SVOP: variants seen among roughly 807,000 people sequenced by gnomAD.
The protein encoded by SVOP is synaptic vesicle 2-related protein.
A neutral mutation model predicts 69.1 loss-of-function variants in SVOP; 17 were observed. That is an observed-to-expected ratio of 0.25 (90% CI 0.17 to 0.37). The LOEUF is 0.37. Among genes scored for constraint, SVOP ranks in the 10% least tolerant of loss-of-function variants. SVOP has a pLI of 1.00. For missense variants in SVOP, 435 were observed against 597.5 expected (o/e 0.73, Z 2.84); for synonymous variants, 238 against 238.6 (o/e 1.00, Z 0.02).
intron 6 of SVOP, among the ~76,000 whole-genome samples, chr12:108,946,803 C>A (rs997105354): frequency 2.0e-5 from 3 of 151,724 alleles, no homozygotes; most frequent in African/African-American, 7.3e-5. Flanking sequence ...ACTGAAACCT[C>A]CACCTCCCGG....
intron 1 of SVOP, among the ~76,000 whole-genome samples, chr12:108,997,923 C>T (rs1165982522): frequency 4.7e-5 from 7 of 149,178 alleles, no homozygotes; most frequent in Non-Finnish European, 8.9e-5. Flanking sequence ...TCCAAAGGAA[C>T]GCAGTTCCTC....
At chr12:108,989,224 C>T (rs2137443232) in intron 1 of SVOP, among the ~76,000 whole-genome samples, 1 of 152,330 alleles carries the variant, frequency 6.6e-6, no homozygotes, top group Non-Finnish European at 1.5e-5. Flanking sequence ...CACGCACCAC[C>T]ACCACACCTA....
Position 108,941,767 on chromosome 12 carries a change from T to G in SVOP, c.643-858A>C, listed in dbSNP as rs183677722. On this transcript the variant is annotated intron_variant, in intron 7 of 15. Transcript: ENST00000610966. Reference sequence around the variant, plus strand: ...ACCTCTGCCTTGCAGGTTCAAGCGATTCTCCTGCCTCAGCCTCCCGAGTAG... The same window carrying G: ...ACCTCTGCCTTGCAGGTTCAAGCGAGTCTCCTGCCTCAGCCTCCCGAGTAG... 9.3e-4 allele frequency among the ~76,000 whole-genome samples: 141 copies of G among 152,190 alleles called. 3 individuals are homozygous for G. Among genetic ancestry groups the G allele is most frequent in the African/African-American group, 3.3e-3 (139 of 41,504 alleles).
chr12:108,963,162 T>G (rs1351812387), intron 5 of SVOP, among the ~76,000 whole-genome samples: 1 of 152,182 alleles, frequency 6.6e-6, no homozygotes, highest in Non-Finnish European at 1.5e-5. Flanking sequence ...CAGGCCTCTT[T>G]CTGCAATACC....
intron 1 of SVOP, among the ~76,000 whole-genome samples, chr12:108,996,708 A>G (rs1005306282): frequency 3.3e-5 from 5 of 152,122 alleles, no homozygotes; most frequent in Non-Finnish European, 7.4e-5. Context: ...AGGCTGGAAG[A>G]TCGCTTGAGC....
chr12:108,974,159 T>C (rs1318004580), intron 4 of SVOP, among the ~76,000 whole-genome samples: 1 of 152,200 alleles, frequency 6.6e-6, no homozygotes, highest in Admixed American at 6.5e-5. Context: ...GCTTTTCATA[T>C]ATATAGTCAT....
intron 15 of SVOP, 83 bp from the exon 16 acceptor site, chr12:108,912,824 C>A (rs1186001424): frequency 8.1e-6 from 11 of 1,357,320 alleles, no homozygotes; most frequent in Non-Finnish European, 1.1e-5. Context: ...TTAGTAACAT[C>A]AGGCCCTCTC....
chr12:108,952,230 CTT>C lies in SVOP; in HGVS notation c.579-7066_579-7065del, dbSNP rs36191772. Among the ~76,000 whole-genome samples, 374 of 98,338 alleles carry C rather than the reference CTT, an allele frequency of 3.8e-3. 1 individual carries two copies. The highest frequency in any genetic ancestry group is 0.012 in the African/African-American group (344 of 29,448). 64.5% of individuals were successfully genotyped at this position (98,338 alleles called of 152,430 possible). ...TACATTCCACTTTTTTTTCTTTTCTCTTTTTTTTTTTTTTTTTTTTTTGAGTC... is the reference window on the plus strand; with the variant it reads ...TACATTCCACTTTTTTTTCTTTTCTCTTTTTTTTTTTTTTTTTTTTGAGTC... On this transcript the variant is annotated intron_variant, in intron 6 of 15. Coordinates refer to ENST00000610966, the MANE Select transcript of SVOP (RefSeq NM_018711.5).
intron 1 of SVOP, among the ~76,000 whole-genome samples, chr12:109,020,513 A>T (rs1379624973): frequency 1.3e-5 from 2 of 152,182 alleles, no homozygotes; most frequent in Non-Finnish European, 2.9e-5. Flanking sequence ...ACATTTCAAA[A>T]CAGCAGCTAA....
At chr12:108,930,434 GC>G (rs1461465517) in intron 11 of SVOP, among the ~76,000 whole-genome samples, 13 of 94,114 alleles carry the variant, frequency 1.4e-4, no homozygotes, top group South Asian at 4.2e-4. Flanking sequence ...ACAGTTGATT[GC>G]TTTTTTTTTT....
chr12:109,015,176 G>A (rs1236765264), intron 1 of SVOP, among the ~76,000 whole-genome samples: 1 of 152,136 alleles, frequency 6.6e-6, no homozygotes, highest in Admixed American at 6.5e-5. Context: ...GCTTTCTAGC[G>A]GGTGGATCCT....
chr12:109,015,628 A>G lies in SVOP; in HGVS notation c.35+5206T>C, dbSNP rs573314581. ...GGTGACCAGCCTGGCCAACATGACAAAACCCCATCTCTATAAAAAATTAGC... is the reference window on the plus strand; with the variant it reads ...GGTGACCAGCCTGGCCAACATGACAGAACCCCATCTCTATAAAAAATTAGC... On this transcript the variant is annotated intron_variant, in intron 1 of 15. Transcript: ENST00000610966. Among the ~76,000 whole-genome samples the G allele has an allele frequency of 1.5e-3, 162 of 110,106 alleles. 4 individuals are homozygous for G. In the South Asian group the frequency reaches 0.032, roughly 22 times the overall value. 72.2% of individuals were successfully genotyped at this position (110,106 alleles called of 152,430 possible). A position where few individuals can be genotyped will look rare whatever the true frequency, so the allele number is the denominator to read the frequency against.
At chr12:109,003,593 C>T (rs2040287021) in intron 1 of SVOP, among the ~76,000 whole-genome samples, 1 of 152,150 alleles carries the variant, frequency 6.6e-6, no homozygotes, top group Non-Finnish European at 1.5e-5. Flanking sequence ...GAGAAAATGG[C>T]TTAGCTCCCT....
At chr12:108,924,327 C>T (rs932925171) in intron 11 of SVOP, among the ~76,000 whole-genome samples, 1 of 152,182 alleles carries the variant, frequency 6.6e-6, no homozygotes, top group African/African-American at 2.4e-5. Flanking sequence ...GATTCACACA[C>T]CCTATCTGAA....
intron 1 of SVOP, among the ~76,000 whole-genome samples, chr12:108,999,729 A>G (rs1214028496): frequency 2.0e-5 from 3 of 149,248 alleles, no homozygotes; most frequent in African/African-American, 7.3e-5. Flanking sequence ...ACATAACGAA[A>G]TGAAGGCAGA....
chr12:109,019,013 C>A (rs1229007510), intron 1 of SVOP, among the ~76,000 whole-genome samples: 2 of 152,080 alleles, frequency 1.3e-5, no homozygotes, highest in African/African-American at 4.8e-5. Flanking sequence ...AGGATTTGAA[C>A]CCAAGTATGT....
At chr12:108,963,673 G>GT in intron 5 of SVOP, among the ~76,000 whole-genome samples, 1 of 152,128 alleles carries the variant, frequency 6.6e-6, no homozygotes, top group South Asian at 2.1e-4. Context: ...TTTTGGTAGA[G>GT]TAAGTGTTTT....
intron 1 of SVOP, among the ~76,000 whole-genome samples, chr12:108,995,940 T>G (rs1021271723): frequency 6.6e-6 from 1 of 151,754 alleles, no homozygotes; most frequent in South Asian, 2.1e-4. Flanking sequence ...TTATGTTACA[T>G]ATATTTTACC....
chr12:108,940,999 T>C (rs550700863), intron 7 of SVOP, 90 bp from the exon 8 acceptor site: 59 of 1,472,768 alleles, frequency 4.0e-5, no homozygotes, highest in Non-Finnish European at 5.3e-5. Context: ...GGTATCTCTG[T>C]GGGTAAGGGG....
Sources: gnomAD v4.1 joint callset for allele counts (sites outside exome capture counted in the v4.1 genomes callset) on GRCh38, gnomAD v4.1.1 for gene constraint, MANE v1.5 for transcripts, NCBI Gene and HGNC (gene_info 2026-07-23, HGNC 2026-07-21) for gene names.